Variants in ALB observed in about 807,000 individuals in gnomAD.
ALB encodes albumin, also known as serum albumin.
A neutral mutation model predicts 74.5 loss-of-function variants in ALB; 37 were observed. The observed-to-expected ratio is 0.50, with a 90% CI of 0.38 to 0.65. The LOEUF (loss-of-function observed/expected upper bound fraction) is 0.65. ALB is among the 30% of genes least tolerant of loss of function. The pLI, the probability that ALB is intolerant of heterozygous loss-of-function variation, is 0.00. For missense variants in ALB, 685 were observed against 718.7 expected, an observed-to-expected ratio of 0.95 and a Z score of 0.54; for synonymous variants, 249 against 251.6, an observed-to-expected ratio of 0.99 and a Z score of 0.10.
intron 6 of ALB, 143 bp downstream of exon 6, chr4:73,410,552 G>T: frequency 1.6e-6 from 1 of 627,042 alleles, no homozygotes; most frequent in African/African-American, 1.9e-5. Context: ...CTCTAATAGA[G>T]GTAAAAATCA....
chr4:73,415,194 A>G (rs754125641), intron 9 of ALB, 27 bp downstream of exon 9: 3 of 1,613,244 alleles, frequency 1.9e-6, no homozygotes, highest in Non-Finnish European at 2.5e-6. Flanking sequence ...AAAAAAATGT[A>G]GTTCTTTGAC....
intron 1 of ALB, chr4:73,404,843 C>A: frequency 2.4e-6 from 1 of 422,816 alleles, no homozygotes; most frequent in Non-Finnish European, 4.2e-6. Context: ...TTGATAGACA[C>A]TAAAAGAGTA....
At chr4:73,413,162 C>A in intron 7 of ALB, 4 of 427,742 alleles carry the variant, frequency 9.4e-6, no homozygotes, top group South Asian at 3.2e-5. Flanking sequence ...ACTTAAATGC[C>A]CTAACAGTAG....
chr4:73,406,543 C>G (rs952820899), intron 2 of ALB, 86 bp from the exon 3 acceptor site: 2 of 1,246,630 alleles, frequency 1.6e-6, no homozygotes, highest in Non-Finnish European at 2.3e-6. Flanking sequence ...AGAACCTATA[C>G]CCATACATGA....
At chr4:73,414,161 C>G (rs1326610624) in intron 8 of ALB, among the ~76,000 whole-genome samples, 1 of 152,122 alleles carries the variant, frequency 6.6e-6, no homozygotes, top group Non-Finnish European at 1.5e-5. Flanking sequence ...TAAATGTTTA[C>G]ATATTGTCAG....
In ALB at chr4:73,410,339, G is replaced by C; in HGVS notation, c.643G>C (p.Ala215Pro). 6.2e-7 allele frequency: 1 copy of C among 1,613,766 alleles called. No individual in the cohort carries two copies. Among genetic ancestry groups the C allele is most frequent in the Non-Finnish European group, 8.5e-7 (1 of 1,179,778 alleles). ...KLDELRDEGK[A>P]SSAKQRLKCA... ...CGATGAACTTCGGGATGAAGGGAAGGCTTCGTCTGCCAAACAGAGACTCAA... is the reference window on the plus strand; with the variant it reads ...CGATGAACTTCGGGATGAAGGGAAGCCTTCGTCTGCCAAACAGAGACTCAA... The change falls in exon 6 of 15, where the codon GCT (alanine) becomes CCT (proline). Residue 215 changes from alanine to proline, a missense_variant. By Grantham distance (27) the Ala-to-Pro change is conservative. Transcript: ENST00000295897.
intron 5 of ALB, 151 bp from the exon 6 acceptor site, chr4:73,410,161 A>G: frequency 3.0e-6 from 2 of 669,050 alleles, no homozygotes; most frequent in Non-Finnish European, 5.5e-6. Flanking sequence ...CTTAGAGAGC[A>G]AAATCATTAT....
At chr4:73,419,437 T>G in intron 12 of ALB, 70 bp from the exon 13 acceptor site, 2 of 1,513,048 alleles carry the variant, frequency 1.3e-6, no homozygotes, top group Non-Finnish European at 1.8e-6. Context: ...CCATCCTTAC[T>G]CTCTCCATTT....
At chr4:73,417,724 T>C (rs1719050374) in intron 11 of ALB, 55 bp downstream of exon 11, 2 of 1,415,844 alleles carry the variant, frequency 1.4e-6, no homozygotes, top group Admixed American at 4.6e-5. Context: ...TACCTTTAGA[T>C]ATTGATAATG....
At chr4:73,404,533 A>G (rs1176450394) in intron 1 of ALB, 127 bp downstream of exon 1, 4 of 782,960 alleles carry the variant, frequency 5.1e-6, no homozygotes, top group Non-Finnish European at 8.6e-6. Context: ...AGTATTTTGT[A>G]TTTGTGAAGT....
chr4:73,408,100 A>T (rs1164386855), intron 3 of ALB, among the ~76,000 whole-genome samples: 1 of 152,182 alleles, frequency 6.6e-6, no homozygotes, highest in Non-Finnish European at 1.5e-5. Flanking sequence ...CTGGAAGAAA[A>T]ATGTCTATAT....
intron 2 of ALB, among the ~76,000 whole-genome samples, chr4:73,406,248 G>GAA (rs890837574): frequency 2.6e-5 from 4 of 152,146 alleles, no homozygotes; most frequent in African/African-American, 9.7e-5. Context: ...GACAGAGTGA[G>GAA]ACTCTGTCTC....
chr4:73,411,874 A>C (rs1718885746), intron 6 of ALB, 122 bp from the exon 7 acceptor site: 1 of 1,286,800 alleles, frequency 7.8e-7, no homozygotes, highest in South Asian at 1.2e-5. Flanking sequence ...AGAACTAATG[A>C]ATTTTAAAAA....
At chr4:73,404,618 C>T (rs1328463373) in intron 1 of ALB, among the ~76,000 whole-genome samples, 1 of 151,258 alleles carries the variant, frequency 6.6e-6, no homozygotes, top group East Asian at 1.9e-4. Context: ...TGTTTAGTGA[C>T]TGTAATTTTC....
chr4:73,419,304 AAAG>A, intron 12 of ALB, 200 bp from the exon 13 acceptor site: 1 of 592,402 alleles, frequency 1.7e-6, no homozygotes, highest in Admixed American at 3.1e-5. Context: ...CAACTCCATG[AAAG>A]TGGATTTTAT....
chr4:73,411,539 T>C (rs1718876733), intron 6 of ALB, among the ~76,000 whole-genome samples: 2 of 152,224 alleles, frequency 1.3e-5, no homozygotes, highest in African/African-American at 4.8e-5. Context: ...TGTGTAGTAC[T>C]TCCCAGATTA....
intron 14 of ALB, 68 bp downstream of exon 14, chr4:73,420,389 C>A: frequency 9.1e-7 from 1 of 1,098,492 alleles, no homozygotes; most frequent in Non-Finnish European, 1.3e-6. Context: ...AAAGATTGAC[C>A]ATTTCCAAGA....
chr4:73,416,736 T>C (rs1274191735), intron 10 of ALB, among the ~76,000 whole-genome samples: 1 of 152,158 alleles, frequency 6.6e-6, no homozygotes, highest in African/African-American at 2.4e-5. Context: ...ATATGTAAGC[T>C]GAACACAAAA....
At chr4:73,407,096 A>G (rs1201659379) in intron 3 of ALB, among the ~76,000 whole-genome samples, 2 of 152,022 alleles carry the variant, frequency 1.3e-5, no homozygotes, top group Non-Finnish European at 2.9e-5. Context: ...GCATGTATTT[A>G]TTTATTTATT....
Sources: allele counts gnomAD v4.1 joint callset (sites outside exome capture counted in the v4.1 genomes callset), GRCh38; gene constraint gnomAD v4.1.1; transcripts MANE v1.5; gene names NCBI Gene and HGNC (gene_info 2026-07-23, HGNC 2026-07-21).